CD86: variants seen among roughly 807,000 people sequenced by gnomAD.
The protein encoded by CD86 is CD86 molecule, also known as T-lymphocyte activation antigen CD86.
CD86 carries 11 observed loss-of-function variants against 32.1 expected under a neutral mutation model. The observed-to-expected ratio is 0.34, with a 90% CI of 0.22 to 0.57. The LOEUF (loss-of-function observed/expected upper bound fraction) is 0.57, where lower values mean the gene tolerates loss of function less well. Among genes scored for constraint, CD86 ranks in the 20% least tolerant of loss-of-function variants. The probability of loss-of-function intolerance (pLI) is 0.86; values close to 1 mark genes in which losing one functional copy is unlikely to be tolerated. For missense variants in CD86, 359 were observed against 398.4 expected (o/e 0.90, Z 0.84); for synonymous variants, 137 against 135.3 (o/e 1.01, Z -0.09).
intron 1 of CD86, among the ~76,000 whole-genome samples, chr3:122,079,584 A>G (rs944398684): frequency 5.9e-5 from 9 of 152,118 alleles, no homozygotes; most frequent in Non-Finnish European, 4.4e-5. Flanking sequence ...GGCAGGTAAG[A>G]GTATTTGTGG....
chr3:122,093,923 G>C (rs118165190), intron 2 of CD86, among the ~76,000 whole-genome samples: 2 of 152,308 alleles, frequency 1.3e-5, no homozygotes, highest in South Asian at 4.1e-4. Context: ...TTTAGCATTC[G>C]TTCACTTGAC....
At chr3:122,118,793 T>C (rs939341822) in intron 6 of CD86, among the ~76,000 whole-genome samples, 4 of 152,234 alleles carry the variant, frequency 2.6e-5, no homozygotes, top group African/African-American at 9.6e-5. Flanking sequence ...GCCTGGCATA[T>C]AGCAGGTTCT....
intron 2 of CD86, among the ~76,000 whole-genome samples, chr3:122,096,298 G>C (rs906505105): frequency 6.6e-6 from 1 of 152,076 alleles, no homozygotes; most frequent in Non-Finnish European, 1.5e-5. Flanking sequence ...GGCTGGTCTT[G>C]AACTCCTTTT....
intron 2 of CD86, among the ~76,000 whole-genome samples, chr3:122,102,936 C>A (rs1029942744): frequency 2.1e-5 from 3 of 143,718 alleles, no homozygotes; most frequent in African/African-American, 8.4e-5. Flanking sequence ...ATTTGAATTT[C>A]AAAGATGTTA....
chr3:122,072,623 GAT>G (rs1238686096), intron 1 of CD86, among the ~76,000 whole-genome samples: 1 of 152,122 alleles, frequency 6.6e-6, no homozygotes, highest in African/African-American at 2.4e-5. Context: ...GTAGATTCTG[GAT>G]ATTAGCCCTT....
chr3:122,088,117 G>T (rs1213857345), intron 1 of CD86, among the ~76,000 whole-genome samples: 4 of 150,842 alleles, frequency 2.7e-5, no homozygotes, highest in African/African-American at 4.9e-5. Context: ...GAACATAATG[G>T]TTTTTTGGTT....
intron 1 of CD86, among the ~76,000 whole-genome samples, chr3:122,055,739 C>T (rs1031472457): frequency 2.0e-5 from 3 of 152,124 alleles, no homozygotes; most frequent in Non-Finnish European, 4.4e-5. Flanking sequence ...TTTTGTAAAT[C>T]TGTTATTCAA....
At chr3:122,072,017 A>G (rs1299854390) in intron 1 of CD86, among the ~76,000 whole-genome samples, 1 of 151,148 alleles carries the variant, frequency 6.6e-6, no homozygotes, top group Admixed American at 6.6e-5. Flanking sequence ...ACTGAGAATG[A>G]TGATTTCCAA....
chr3:122,074,031 C>T (rs1016545062), intron 1 of CD86, among the ~76,000 whole-genome samples: 1 of 152,170 alleles, frequency 6.6e-6, no homozygotes, highest in African/African-American at 2.4e-5. Context: ...GCCTCAAGTC[C>T]CTAGTCTGTC....
intron 1 of CD86, among the ~76,000 whole-genome samples, chr3:122,086,173 C>G (rs943755823): frequency 6.6e-6 from 1 of 152,206 alleles, no homozygotes; most frequent in Non-Finnish European, 1.5e-5. Context: ...AAGTCTGACA[C>G]TGAGTAGATG....
chr3:122,095,773 G>A (rs1039684194), intron 2 of CD86, among the ~76,000 whole-genome samples: 6 of 152,040 alleles, frequency 3.9e-5, no homozygotes, highest in African/African-American at 1.5e-4. Flanking sequence ...ATCTAGTAGG[G>A]AGTATCTTAC....
chr3:122,112,359 C>T (rs2073187410), intron 5 of CD86, among the ~76,000 whole-genome samples: 1 of 151,666 alleles, frequency 6.6e-6, no homozygotes, highest in African/African-American at 2.4e-5. Flanking sequence ...ACTCTGTCAC[C>T]AGGCTGGAGT....
intron 5 of CD86, among the ~76,000 whole-genome samples, chr3:122,113,974 G>T: frequency 6.6e-6 from 1 of 152,172 alleles, no homozygotes; most frequent in East Asian, 1.9e-4. Context: ...TTTTAGGCCA[G>T]GGGTGGTGGC....
chr3:122,087,131 G>A (rs930786611), intron 1 of CD86, among the ~76,000 whole-genome samples: 4 of 152,166 alleles, frequency 2.6e-5, no homozygotes, highest in Admixed American at 1.3e-4. Flanking sequence ...GACATACAAA[G>A]TAAGTGAAAG....
intron 1 of CD86, among the ~76,000 whole-genome samples, chr3:122,070,855 T>G (rs1263642435): frequency 6.6e-6 from 1 of 152,192 alleles, no homozygotes; most frequent in Non-Finnish European, 1.5e-5. Flanking sequence ...TTGATGCTAA[T>G]TTTCTTTCCC....
chr3:122,108,319 C>T (rs894611413), intron 4 of CD86, among the ~76,000 whole-genome samples: 1 of 152,212 alleles, frequency 6.6e-6, no homozygotes, highest in Non-Finnish European at 1.5e-5. Flanking sequence ...GCAGCCTCCA[C>T]GTTAGTAAGT....
chr3:122,091,455 T>A (rs2072818439), intron 1 of CD86, 146 bp from the exon 2 acceptor site: 1 of 687,402 alleles, frequency 1.5e-6, no homozygotes, highest in Non-Finnish European at 2.6e-6. Flanking sequence ...CAAAAGGAAA[T>A]GGCTTTGATG....
chr3:122,077,734 G>A (rs190397016), intron 1 of CD86: 55 of 984,902 alleles, frequency 5.6e-5, no homozygotes, highest in African/African-American at 4.7e-4. Flanking sequence ...CTCATGCTCC[G>A]AGGGTACGTT....
chr3:122,091,273 G>A (rs1261554545), intron 1 of CD86, among the ~76,000 whole-genome samples: 3 of 152,108 alleles, frequency 2.0e-5, no homozygotes, highest in African/African-American at 7.2e-5. Context: ...CATTTCCTCT[G>A]GATCCCCTGC....
Sources: gnomAD v4.1 joint callset for allele counts (sites outside exome capture counted in the v4.1 genomes callset) on GRCh38, gnomAD v4.1.1 for gene constraint, MANE v1.5 for transcripts, NCBI Gene and HGNC (gene_info 2026-07-23, HGNC 2026-07-21) for gene names.